The following DLG2 variants were observed in gnomAD, a reference collection of about 807,000 sequenced individuals.
The protein encoded by DLG2 is discs large MAGUK scaffold protein 2.
DLG2 carries 45 observed loss-of-function variants against 132.5 expected under a neutral mutation model. The observed-to-expected ratio is 0.34, with a 90% CI of 0.27 to 0.44. The LOEUF (loss-of-function observed/expected upper bound fraction) is 0.44. DLG2 is among the 20% of genes least tolerant of loss of function. The pLI is 1.00. For synonymous variants in DLG2, 424 were observed against 419.6 expected (o/e 1.01, Z -0.13); for missense variants, 1,045 against 1,196.9 (o/e 0.87, Z 1.87).
intron 6 of DLG2, among the ~76,000 whole-genome samples, chr11:84,816,183 A>C (rs931929949): frequency 1.3e-5 from 2 of 152,024 alleles, no homozygotes; most frequent in African/African-American, 2.4e-5. Context: ...CCTGAAGCAA[A>C]AGGAACTTGA....
chr11:84,016,200 A>G (rs989066360), intron 11 of DLG2, among the ~76,000 whole-genome samples: 18 of 152,084 alleles, frequency 1.2e-4, no homozygotes, highest in Non-Finnish European at 2.5e-4. Flanking sequence ...ATGTCTGCTC[A>G]TGTCCTTTGT....
chr11:83,906,553 G>A (rs570763336), intron 15 of DLG2, among the ~76,000 whole-genome samples: 2 of 152,082 alleles, frequency 1.3e-5, no homozygotes, highest in East Asian at 3.9e-4. Flanking sequence ...AGAGTAGTGT[G>A]ATGTGGGTAG....
chr11:84,716,780 T>A (rs1668248326), intron 6 of DLG2, among the ~76,000 whole-genome samples: 1 of 151,746 alleles, frequency 6.6e-6, no homozygotes, highest in Non-Finnish European at 1.5e-5. Context: ...GTTATTTTGG[T>A]TTCTCTCATG....
At chr11:83,535,767 T>C (rs1484304023) in intron 20 of DLG2, among the ~76,000 whole-genome samples, 1 of 152,200 alleles carries the variant, frequency 6.6e-6, no homozygotes, top group Non-Finnish European at 1.5e-5. Flanking sequence ...TTAATAATAA[T>C]ATAAGTGGCT....
At chr11:85,550,405 G>A (rs151015975) in intron 3 of DLG2, among the ~76,000 whole-genome samples, 74 of 152,344 alleles carry the variant, frequency 4.9e-4, no homozygotes, top group African/African-American at 1.6e-3. Context: ...TGCTGCCAGC[G>A]CGCAAAGGTG....
In DLG2 at chr11:85,559,463, A is replaced by G. The variant is rs1353239614; in HGVS notation, c.40+39194T>C. 2.6e-5 allele frequency among the ~76,000 whole-genome samples: 4 copies of G among 151,732 alleles called. No individual in the cohort carries two copies. In the East Asian group the frequency reaches 7.7e-4, roughly 29 times the overall value. On this transcript the variant is annotated intron_variant, in intron 3 of 27. Transcript: ENST00000376104. Reference sequence around the variant, plus strand: ...TGCGCCCGGCCACATGGCTTCCATTATTGCTAGGTCTCTTCACCAGATCAG... The same window carrying G: ...TGCGCCCGGCCACATGGCTTCCATTGTTGCTAGGTCTCTTCACCAGATCAG...
intron 6 of DLG2, among the ~76,000 whole-genome samples, chr11:84,616,226 T>A (rs1394518930): frequency 1.3e-5 from 2 of 152,002 alleles, no homozygotes; most frequent in African/African-American, 4.8e-5. Context: ...CAGTTTTCAG[T>A]TGACAAAATC....
At chr11:84,830,879 T>C (rs2153993577) in intron 6 of DLG2, among the ~76,000 whole-genome samples, 1 of 151,394 alleles carries the variant, frequency 6.6e-6, no homozygotes, top group Non-Finnish European at 1.5e-5. Context: ...ACAAGAATAC[T>C]TGCAAGAAAT....
intron 6 of DLG2, among the ~76,000 whole-genome samples, chr11:84,631,014 TCTCTCACA>T (rs1341337542): frequency 5.9e-4 from 76 of 128,302 alleles, no homozygotes; most frequent in Middle Eastern, 3.7e-3. Flanking sequence ...TCTCTCTCTC[TCTCTCACA>T]CACACACACA....
chr11:83,803,073 G>A (rs1256152828), intron 17 of DLG2, among the ~76,000 whole-genome samples: 4 of 152,140 alleles, frequency 2.6e-5, no homozygotes, highest in Non-Finnish European at 2.9e-5. Flanking sequence ...AAGGGGTTAT[G>A]TAGGCAAATT....
intron 14 of DLG2, among the ~76,000 whole-genome samples, chr11:83,952,206 C>T (rs541441463): frequency 7.9e-5 from 12 of 152,086 alleles, no homozygotes; most frequent in South Asian, 6.2e-4. Flanking sequence ...ATTAGCCCAG[C>T]GTGGTGGCAT....
chr11:85,480,873 CA>C (rs933083526), intron 3 of DLG2, among the ~76,000 whole-genome samples: 2 of 151,684 alleles, frequency 1.3e-5, no homozygotes, highest in African/African-American at 2.4e-5. Flanking sequence ...TGCACACATG[CA>C]AAAAAAATAC....
intron 8 of DLG2, among the ~76,000 whole-genome samples, chr11:84,250,928 A>C (rs905223117): frequency 6.6e-6 from 1 of 152,334 alleles, no homozygotes; most frequent in South Asian, 2.1e-4. Flanking sequence ...AACCCAAAGA[A>C]GTTTGCTAGT....
intron 19 of DLG2, among the ~76,000 whole-genome samples, chr11:83,542,927 G>A (rs925020740): frequency 6.6e-6 from 1 of 152,052 alleles, no homozygotes; most frequent in African/African-American, 2.4e-5. Context: ...TGCAAAACTA[G>A]CAAGATCTGG....
At chr11:85,483,472 C>T (rs2093347093) in intron 3 of DLG2, among the ~76,000 whole-genome samples, 1 of 152,026 alleles carries the variant, frequency 6.6e-6, no homozygotes, top group South Asian at 2.1e-4. Context: ...ACAAGAGATG[C>T]TAGAGGGAGT....
At chr11:84,819,443 G>T (rs942663315) in intron 6 of DLG2, among the ~76,000 whole-genome samples, 3 of 151,768 alleles carry the variant, frequency 2.0e-5, no homozygotes, top group Non-Finnish European at 2.9e-5. Context: ...AATGTCACAG[G>T]TGAATATTTG....
At chr11:84,995,983 C>A (rs2057614315) in intron 6 of DLG2, among the ~76,000 whole-genome samples, 1 of 152,114 alleles carries the variant, frequency 6.6e-6, no homozygotes, top group Non-Finnish European at 1.5e-5. Context: ...TTCTATTGAC[C>A]AGCTCAGCTG....
chr11:85,028,289 G>C (rs1366275390), intron 6 of DLG2, among the ~76,000 whole-genome samples: 2 of 152,122 alleles, frequency 1.3e-5, no homozygotes, highest in Admixed American at 6.5e-5. Flanking sequence ...TGTGCGGATT[G>C]GTCCATGGGC....
intron 11 of DLG2, among the ~76,000 whole-genome samples, chr11:83,984,790 T>C (rs886745101): frequency 9.9e-5 from 15 of 152,156 alleles, no homozygotes; most frequent in African/African-American, 3.1e-4. Flanking sequence ...ATCAGGATAA[T>C]TGGGATATCC....
Sources: allele counts gnomAD v4.1 joint callset (sites outside exome capture counted in the v4.1 genomes callset), GRCh38; gene constraint gnomAD v4.1.1; transcripts MANE v1.5; gene names NCBI Gene and HGNC (gene_info 2026-07-23, HGNC 2026-07-21).